Variants in STS observed in about 807,000 individuals in gnomAD.
STS encodes the protein steroid sulfatase, also known as steryl-sulfatase.
STS carries 7 observed loss-of-function variants against 26.8 expected under a neutral mutation model. The observed-to-expected ratio is 0.26, with a 90% CI of 0.15 to 0.49. The LOEUF (loss-of-function observed/expected upper bound fraction) is 0.49. STS is among the 20% of genes least tolerant of loss of function. The pLI is 0.98. For synonymous variants in STS, 199 were observed against 189.4 expected, an observed-to-expected ratio of 1.05 and a Z score of -0.42; for missense variants, 434 against 465.6, an observed-to-expected ratio of 0.93 and a Z score of 0.63.
intron 2 of STS, among the ~76,000 whole-genome samples, chrX:7,198,076 A>G (rs1260131142): frequency 8.9e-5 from 10 of 111,830 alleles, no homozygotes; most frequent in Non-Finnish European, 1.9e-4. Flanking sequence ...CCCCCAATGG[A>G]TTATCTTTGC....
chrX:7,199,394 C>T (rs1569186580), intron 2 of STS, among the ~76,000 whole-genome samples: 2 of 111,990 alleles, frequency 1.8e-5, no homozygotes, highest in African/African-American at 3.2e-5. Flanking sequence ...ATCCTACTTT[C>T]TATCTCTATT....
intron 2 of STS, among the ~76,000 whole-genome samples, chrX:7,221,254 CT>C (rs1413456027): frequency 8.9e-6 from 1 of 112,447 alleles, no homozygotes; most frequent in Non-Finnish European, 1.9e-5. Context: ...TTCTCAAGGT[CT>C]TTTCTGAATC....
chrX:7,224,914 G>A (rs1921735096), intron 2 of STS, among the ~76,000 whole-genome samples: 1 of 112,111 alleles, frequency 8.9e-6, no homozygotes, highest in Non-Finnish European at 1.9e-5. Context: ...TGGCTTCCTT[G>A]GCTGAATTCT....
intron 10 of STS, among the ~76,000 whole-genome samples, chrX:7,349,557 G>A (rs772777168): frequency 2.8e-5 from 3 of 107,499 alleles, no homozygotes; most frequent in Admixed American, 2.0e-4. Flanking sequence ...GGCTGGTCTC[G>A]AACTCCTGAC....
In STS at chrX:7,235,061, C is replaced by T. The variant is rs185815739; in HGVS notation, c.-4-18135C>T. On this transcript the variant is annotated intron_variant, in intron 2 of 10. Coordinates refer to ENST00000674429, the MANE Select transcript of STS (RefSeq NM_001320752.2). Reference sequence around the variant, plus strand: ...GTTTAGGACCGCTATGGGACACAGTCCTCTCCATCAAATTTGGTACCTTGT... The same window carrying T: ...GTTTAGGACCGCTATGGGACACAGTTCTCTCCATCAAATTTGGTACCTTGT... Among the ~76,000 whole-genome samples, 548 of 111,655 alleles carry T rather than the reference C, an allele frequency of 4.9e-3. 2 individuals carry two copies. Among genetic ancestry groups the T allele is most frequent in the Middle Eastern group, 0.018 (4 of 217 alleles).
chrX:7,203,235 A>C (rs1389828634), intron 2 of STS, among the ~76,000 whole-genome samples: 3 of 112,431 alleles, frequency 2.7e-5, no homozygotes, highest in African/African-American at 9.7e-5. Flanking sequence ...ACATTCTTCC[A>C]TGGGGCAAAA....
At chrX:7,325,090 T>G (rs974875618) in intron 8 of STS, among the ~76,000 whole-genome samples, 6 of 111,804 alleles carry the variant, frequency 5.4e-5, no homozygotes, top group Non-Finnish European at 1.1e-4. Flanking sequence ...GTTGAGTCCC[T>G]CTGATTACAA....
chrX:7,319,988 T>TTA (rs1421907561), intron 8 of STS, among the ~76,000 whole-genome samples: 2 of 89,623 alleles, frequency 2.2e-5, no homozygotes, highest in African/African-American at 9.5e-5. Flanking sequence ...GTATATATAT[T>TTA]TATATATATA....
At position 7,147,842 on chromosome X, in the gene STS, G is replaced by A. The variant is rs1434061046; in HGVS notation, c.-375G>A. On this transcript the variant is annotated 5_prime_UTR_variant, in exon 1 of 11. Coordinates refer to ENST00000674429, the MANE Select transcript of STS (RefSeq NM_001320752.2). ...GGGGCCGCGTAGACGCCGCGGCCAC[G>A]CGCGCCCGCCAGCCCGGACATGGGC... 5.0e-4 allele frequency: 77 copies of A among 153,678 alleles called. 1 individual carries two copies. The highest frequency in any genetic ancestry group is 2.3e-3 in the African/African-American group (71 of 31,091). The allele number at this position is 153,678 out of a possible 1,213,427, so 12.7% of individuals were successfully genotyped here. A position where few individuals can be genotyped will look rare whatever the true frequency, so the allele number is the denominator to read the frequency against.
chrX:7,246,371 G>A (rs969202333), intron 2 of STS, among the ~76,000 whole-genome samples: 11 of 109,136 alleles, frequency 1.0e-4, no homozygotes, highest in African/African-American at 2.0e-4. Context: ...GCGCGATCTC[G>A]GCTCACTGCA....
intron 3 of STS, among the ~76,000 whole-genome samples, chrX:7,254,954 G>A (rs1284644936): frequency 8.9e-6 from 1 of 111,734 alleles, no homozygotes; most frequent in East Asian, 2.8e-4. Flanking sequence ...AAGTGCCATG[G>A]GGCGCTGGTT....
chrX:7,264,507 C>T (rs1307256667), intron 6 of STS, among the ~76,000 whole-genome samples: 5 of 111,387 alleles, frequency 4.5e-5, no homozygotes, highest in Non-Finnish European at 7.5e-5. Context: ...TGTATGGTGG[C>T]GTATAATGTA....
intron 2 of STS, among the ~76,000 whole-genome samples, chrX:7,246,552 C>T (rs1210171544): frequency 1.8e-5 from 2 of 111,053 alleles, no homozygotes; most frequent in Non-Finnish European, 3.8e-5. Flanking sequence ...GTGATCCGCC[C>T]GCCTCGGCCT....
intron 8 of STS, among the ~76,000 whole-genome samples, chrX:7,317,800 TTTAATTTC>T (rs1334004163): frequency 1.6e-4 from 18 of 111,393 alleles, no homozygotes; most frequent in African/African-American, 3.9e-4. Context: ...TTTTGAGACC[TTTAATTTC>T]TGTAGGGCAA....
At chrX:7,204,354 G>T (rs1934142572) in intron 2 of STS, among the ~76,000 whole-genome samples, 1 of 111,110 alleles carries the variant, frequency 9.0e-6, no homozygotes, top group Non-Finnish European at 1.9e-5. Flanking sequence ...TGATTTCCTG[G>T]TGAGGTTGAA....
chrX:7,208,118 C>T (rs1029366557), intron 2 of STS, among the ~76,000 whole-genome samples: 2 of 112,341 alleles, frequency 1.8e-5, no homozygotes, highest in South Asian at 3.7e-4. Flanking sequence ...TAGCATTTGC[C>T]GTGGTATTTG....
intron 1 of STS, among the ~76,000 whole-genome samples, chrX:7,168,902 A>G (rs1299727782): frequency 9.0e-6 from 1 of 111,621 alleles, no homozygotes; most frequent in Non-Finnish European, 1.9e-5. Flanking sequence ...GGGATGTCAT[A>G]TCATGCTAGT....
intron 8 of STS, among the ~76,000 whole-genome samples, chrX:7,308,316 G>A (rs766813994): frequency 8.9e-6 from 1 of 112,247 alleles, no homozygotes; most frequent in East Asian, 2.8e-4. Flanking sequence ...GAGGAGACGT[G>A]TACATCAATC....
intron 8 of STS, among the ~76,000 whole-genome samples, chrX:7,314,520 G>GTCCC (rs1926625019): frequency 8.9e-6 from 1 of 112,795 alleles, no homozygotes; most frequent in Non-Finnish European, 1.9e-5. Context: ...CATTTGGAAT[G>GTCCC]ATTGGGACTG....
Sources: gnomAD v4.1 joint callset for allele counts (sites outside exome capture counted in the v4.1 genomes callset) on GRCh38, gnomAD v4.1.1 for gene constraint, MANE v1.5 for transcripts, NCBI Gene and HGNC (gene_info 2026-07-23, HGNC 2026-07-21) for gene names.